STRN: variants seen among roughly 807,000 people sequenced by gnomAD.
STRN encodes the protein protein phosphatase 2 regulatory subunit B'''alpha.
STRN carries 53 observed loss-of-function variants against 96.3 expected under a neutral mutation model. That is an observed-to-expected ratio of 0.55 (90% confidence interval 0.44 to 0.69). The LOEUF is 0.69. Among genes scored for constraint, STRN ranks in the 30% least tolerant of loss-of-function variants. The probability of loss-of-function intolerance (pLI) is 0.00; values close to 1 mark genes in which losing one functional copy is unlikely to be tolerated. For synonymous variants in STRN, 428 were observed against 355.9 expected, an observed-to-expected ratio of 1.20 and a Z score of -2.28; for missense variants, 987 against 963.9, an observed-to-expected ratio of 1.02 and a Z score of -0.32.
intron 15 of STRN, among the ~76,000 whole-genome samples, chr2:36,853,319 TA>T (rs1156980227): frequency 6.6e-6 from 1 of 152,184 alleles, no homozygotes; most frequent in East Asian, 1.9e-4. Flanking sequence ...ACACCCGTGG[TA>T]AAGTCCAGCA....
intron 1 of STRN, among the ~76,000 whole-genome samples, chr2:36,948,831 T>G (rs1664679657): frequency 6.6e-6 from 1 of 152,210 alleles, no homozygotes; most frequent in African/African-American, 2.4e-5. Context: ...AAATGGGACT[T>G]GAGCTAAATT....
intron 1 of STRN, among the ~76,000 whole-genome samples, chr2:36,949,203 C>T (rs1425974730): frequency 6.6e-6 from 1 of 152,154 alleles, no homozygotes; most frequent in Non-Finnish European, 1.5e-5. Context: ...TAGGCTATGC[C>T]ATATAGCCTA....
chr2:36,895,973 C>T (rs1435763594), intron 6 of STRN, among the ~76,000 whole-genome samples: 1 of 151,934 alleles, frequency 6.6e-6, no homozygotes, highest in Admixed American at 6.6e-5. Flanking sequence ...GCCAACAGGA[C>T]ACCCCAATTC....
At chr2:36,958,633 G>C (rs1015896724) in intron 1 of STRN, among the ~76,000 whole-genome samples, 1 of 152,112 alleles carries the variant, frequency 6.6e-6, no homozygotes, top group African/African-American at 2.4e-5. Flanking sequence ...ATAAAGCATG[G>C]AGAGATAAAA....
rs1191722919 is a variant in STRN at position 36,843,383 on chromosome 2, T to C, written c.*6073A>G. Among the ~76,000 whole-genome samples, 2 of 152,154 alleles carry C rather than the reference T, an allele frequency of 1.3e-5. No homozygotes were observed. The highest frequency in any genetic ancestry group is 4.8e-5 in the African/African-American group (2 of 41,442). ...GAAGGGGCAGGGAGTGTGGAAGGCTTGTGTATGTCTGTTAAGTAGCGAAAC... is the reference window on the plus strand; with the variant it reads ...GAAGGGGCAGGGAGTGTGGAAGGCTCGTGTATGTCTGTTAAGTAGCGAAAC... On this transcript the variant is annotated 3_prime_UTR_variant, in exon 18 of 18. Coordinates refer to ENST00000263918, the MANE Select transcript of STRN (RefSeq NM_003162.4).
In STRN at chr2:36,861,731, GCACACACA is replaced by G. The variant is rs59999370; in HGVS notation, c.1548-486_1548-479del. Among the ~76,000 whole-genome samples the G allele has an allele frequency of 6.4e-3, 960 of 149,978 alleles. 8 individuals carry two copies. Among genetic ancestry groups the G allele is most frequent in the African/African-American group, 0.015 (623 of 40,974 alleles). ...AAAAATGCAATGTATCATTGCGTGA[GCACACACA>G]CACACACACACACACACACACACAC... is the stretch of plus-strand genomic sequence containing the variant. On this transcript the variant is annotated intron_variant, in intron 12 of 17. Coordinates refer to ENST00000263918, the MANE Select transcript of STRN (RefSeq NM_003162.4).
intron 6 of STRN, 69 bp downstream of exon 6, chr2:36,899,454 T>C (rs1669626768): frequency 7.4e-7 from 1 of 1,344,790 alleles, no homozygotes; most frequent in African/African-American, 1.5e-5. Flanking sequence ...ACATGGATTC[T>C]TTTATGCATT....
intron 4 of STRN, among the ~76,000 whole-genome samples, chr2:36,904,348 T>C (rs898505978): frequency 3.9e-5 from 6 of 152,170 alleles, no homozygotes; most frequent in African/African-American, 1.4e-4. Flanking sequence ...AAACAACTTA[T>C]AATCAACCTC....
At position 36,951,168 on chromosome 2, in the gene STRN, A is replaced by C. The variant is rs145720518; in HGVS notation, c.234+15062T>G. Among the ~76,000 whole-genome samples the C allele has an allele frequency of 4.2e-3, 646 of 152,368 alleles. 2 individuals are homozygous for C. Among genetic ancestry groups the C allele is most frequent in the South Asian group, 0.015 (72 of 4,832 alleles). ...AATGTTACAGGGCCCTACTGATAACAAAAACTTTTTAGGATGTTATGTCAA... is the reference window on the plus strand; with the variant it reads ...AATGTTACAGGGCCCTACTGATAACCAAAACTTTTTAGGATGTTATGTCAA... On this transcript the variant is annotated intron_variant, in intron 1 of 17. Transcript: ENST00000263918.
At chr2:36,963,768 C>CA (rs1656094253) in intron 1 of STRN, among the ~76,000 whole-genome samples, 1 of 151,926 alleles carries the variant, frequency 6.6e-6, no homozygotes, top group Non-Finnish European at 1.5e-5. Flanking sequence ...ACCAACCTGG[C>CA]CAACATTGTG....
intron 1 of STRN, among the ~76,000 whole-genome samples, chr2:36,959,624 T>C (rs774387823): frequency 1.0e-3 from 152 of 152,266 alleles, no homozygotes; most frequent in Non-Finnish European, 1.3e-3. Context: ...TGATTCAAAT[T>C]ATAATATTCT....
At chr2:36,962,535 T>A (rs1665052484) in intron 1 of STRN, among the ~76,000 whole-genome samples, 1 of 152,018 alleles carries the variant, frequency 6.6e-6, no homozygotes, top group Non-Finnish European at 1.5e-5. Flanking sequence ...ACTATTCTTT[T>A]TTTTTTTCTT....
chr2:36,878,206 T>C (rs1483450741), intron 9 of STRN, among the ~76,000 whole-genome samples, 179 bp from the exon 10 acceptor site: 1 of 152,192 alleles, frequency 6.6e-6, no homozygotes, highest in Non-Finnish European at 1.5e-5. Flanking sequence ...TTTTTCCATA[T>C]CTTAACCACA....
At chr2:36,858,570 G>C (rs777513828) in intron 13 of STRN, among the ~76,000 whole-genome samples, 14 of 152,234 alleles carry the variant, frequency 9.2e-5, no homozygotes, top group Non-Finnish European at 2.1e-4. Context: ...CTGAGATGCA[G>C]TGATAGTGTA....
chr2:36,888,783 C>T (rs1177075226), intron 7 of STRN, among the ~76,000 whole-genome samples: 3 of 151,974 alleles, frequency 2.0e-5, no homozygotes, highest in African/African-American at 4.8e-5. Context: ...TGGGCTGAAG[C>T]GATCCTCCCA....
chr2:36,920,573 G>A (rs1054140488), intron 2 of STRN, among the ~76,000 whole-genome samples: 14 of 151,678 alleles, frequency 9.2e-5, no homozygotes, highest in Admixed American at 2.6e-4. Flanking sequence ...GGGAGGTGCA[G>A]GTTGCAGTGA....
At chr2:36,869,805 T>C (rs1034090747) in intron 10 of STRN, 76 bp from the exon 11 acceptor site, 7 of 1,192,148 alleles carry the variant, frequency 5.9e-6, no homozygotes, top group South Asian at 2.3e-5. Context: ...TCAACATTAA[T>C]TCTTGCTGAT....
At chr2:36,965,849 G>A (rs1410898936) in intron 1 of STRN, among the ~76,000 whole-genome samples, 5 of 152,134 alleles carry the variant, frequency 3.3e-5, no homozygotes, top group African/African-American at 1.2e-4. Flanking sequence ...ACCTAGGAAG[G>A]GGCACACCAG....
intron 9 of STRN, among the ~76,000 whole-genome samples, chr2:36,882,608 A>C (rs1293746658): frequency 6.6e-6 from 1 of 152,204 alleles, no homozygotes; most frequent in African/African-American, 2.4e-5. Context: ...CTCTACAAAA[A>C]GCATAAAAAA....
Sources: gnomAD v4.1 joint callset for allele counts (sites outside exome capture counted in the v4.1 genomes callset) on GRCh38, gnomAD v4.1.1 for gene constraint, MANE v1.5 for transcripts, NCBI Gene and HGNC (gene_info 2026-07-23, HGNC 2026-07-21) for gene names.